The following ILRUN variants were observed in gnomAD, a reference collection of about 807,000 sequenced individuals.
ILRUN encodes protein ILRUN.
Under a neutral mutation model 33.8 loss-of-function variants are expected in ILRUN, and 3 were observed. The ratio of observed to expected loss-of-function variants is 0.09; its 90% CI spans 0.04 to 0.23. The LOEUF (loss-of-function observed/expected upper bound fraction) is 0.23. Among genes scored for constraint, ILRUN ranks in the 10% least tolerant of loss-of-function variants. ILRUN has a pLI of 1.00. For missense variants in ILRUN, 210 were observed against 375.1 expected (o/e 0.56, Z 3.64); for synonymous variants, 124 against 138.9 (o/e 0.89, Z 0.75).
At chr6:34,680,668 GTC>G (rs1375522632) in intron 1 of ILRUN, among the ~76,000 whole-genome samples, 19 of 152,098 alleles carry the variant, frequency 1.2e-4, no homozygotes, top group African/African-American at 4.6e-4. Flanking sequence ...GGCCAGGCTG[GTC>G]TCGAACTCCT....
At chr6:34,640,150 G>A (rs1037698467) in intron 3 of ILRUN, among the ~76,000 whole-genome samples, 3 of 152,122 alleles carry the variant, frequency 2.0e-5, no homozygotes, top group South Asian at 2.1e-4. Flanking sequence ...TTTGTGTGGT[G>A]GGGGACAGTG....
intron 3 of ILRUN, among the ~76,000 whole-genome samples, chr6:34,643,938 G>T (rs1328571687): frequency 6.6e-6 from 1 of 152,218 alleles, no homozygotes; most frequent in African/African-American, 2.4e-5. Flanking sequence ...CTGACCTCAA[G>T]TGATATGCCC....
rs199549315 is a variant in ILRUN, at chr6:34,654,783, T to C, written c.159-4A>G. ...GCCAATTGCTGCTTGTAGGTTCCTATAGAAAAAGAGAAAAGGCAACAGACT... is the reference window on the plus strand; with the variant it reads ...GCCAATTGCTGCTTGTAGGTTCCTACAGAAAAAGAGAAAAGGCAACAGACT... On this transcript the variant is annotated splice_polypyrimidine_tract_variant and splice_region_variant and intron_variant, in intron 1 of 4. Coordinates refer to ENST00000374023, the MANE Select transcript of ILRUN (RefSeq NM_024294.4). 156 of 1,608,682 alleles carry C rather than the reference T, an allele frequency of 9.7e-5. 2 individuals carry two copies. Among genetic ancestry groups the C allele is most frequent in the Admixed American group, 4.4e-4 (26 of 58,826 alleles).
Position 34,646,856 on chromosome 6 carries a change from G to C in ILRUN, c.314-58C>G, listed in dbSNP as rs932866445. The C allele has an allele frequency of 6.6e-7, 1 of 1,522,064 alleles. No individual in the cohort carries two copies. The highest frequency in any genetic ancestry group is 1.4e-5 in the African/African-American group (1 of 73,062). The allele number at this position is 1,522,064 out of a possible 1,614,324, so 94.3% of individuals were successfully genotyped here. ...AATCAATGGTCCTATGCTGGGTGCA[G>C]TTTATTATGAAACTGTAGAAGAGGC... On this transcript the variant is annotated intron_variant, in intron 2 of 4. Transcript: ENST00000374023. The surrounding 1 kb of genome is among the most constrained non-coding windows in gnomAD (Gnocchi z 4.9).
intron 4 of ILRUN, chr6:34,595,700 C>A: frequency 1.1e-6 from 1 of 940,250 alleles, no homozygotes; most frequent in Non-Finnish European, 1.3e-6. Context: ...TACCACAACA[C>A]AGGACTTTCA....
chr6:34,693,994 T>C (rs1196568444), intron 1 of ILRUN, among the ~76,000 whole-genome samples: 3 of 152,086 alleles, frequency 2.0e-5, no homozygotes, highest in Non-Finnish European at 4.4e-5. Context: ...CATTTCGCTG[T>C]ATTTTTTGTA....
chr6:34,669,718 AAACT>A (rs1763077287), intron 1 of ILRUN, among the ~76,000 whole-genome samples: 1 of 152,204 alleles, frequency 6.6e-6, no homozygotes, highest in African/African-American at 2.4e-5. Flanking sequence ...AGATGATACA[AAACT>A]AATTAACATA....
chr6:34,601,288 G>A (rs1761502245), intron 4 of ILRUN, among the ~76,000 whole-genome samples: 1 of 152,186 alleles, frequency 6.6e-6, no homozygotes, highest in South Asian at 2.1e-4. Flanking sequence ...TCTGATTAAT[G>A]TTCTTTCATT....
At chr6:34,593,507 T>G (rs934919562) in intron 4 of ILRUN, among the ~76,000 whole-genome samples, 1 of 152,240 alleles carries the variant, frequency 6.6e-6, no homozygotes, top group Non-Finnish European at 1.5e-5. Flanking sequence ...ATTTTCAGAT[T>G]TCCTTTGAGT....
chr6:34,648,291 G>A (rs185437744), intron 2 of ILRUN, among the ~76,000 whole-genome samples: 31 of 152,220 alleles, frequency 2.0e-4, no homozygotes, highest in Non-Finnish European at 1.9e-4. Context: ...TCTCCTACCA[G>A]TACTCTAAGA....
chr6:34,687,698 C>A (rs1207923521), intron 1 of ILRUN, among the ~76,000 whole-genome samples: 81 of 125,020 alleles, frequency 6.5e-4, no homozygotes, highest in African/African-American at 1.1e-3. Context: ...ACTCCATCTC[C>A]AAAAAAAAAA....
At chr6:34,696,423 C>T in intron 1 of ILRUN, 23 bp downstream of exon 1, 1 of 1,554,792 alleles carries the variant, frequency 6.4e-7, no homozygotes, top group Non-Finnish European at 8.7e-7. Flanking sequence ...GCTGCCAGCG[C>T]TGGCACTGCG....
intron 4 of ILRUN, among the ~76,000 whole-genome samples, chr6:34,602,457 A>C (rs538360940): frequency 7.2e-5 from 11 of 152,284 alleles, no homozygotes; most frequent in African/African-American, 2.6e-4. Flanking sequence ...GTTTTTCATC[A>C]GTTTCGCACT....
rs1287067471 is a variant in ILRUN at position 34,588,494 on chromosome 6, T to A, written c.*2071A>T. The A allele has an allele frequency of 3.0e-6, 1 of 337,928 alleles. No individual in the cohort carries two copies. The highest frequency in any genetic ancestry group is 2.1e-5 in the African/African-American group (1 of 47,440). 20.9% of individuals were successfully genotyped at this position (337,928 alleles called of 1,614,324 possible). A position where few individuals can be genotyped will look rare whatever the true frequency, so the allele number is the denominator to read the frequency against. On this transcript the variant is annotated 3_prime_UTR_variant, in exon 5 of 5. Coordinates refer to ENST00000374023, the MANE Select transcript of ILRUN (RefSeq NM_024294.4). ...AGCAGTAAGAACAGCTGGGCATGCA[T>A]GGGCTCCAGGGAGGCAGTGTCTCAG... is the stretch of plus-strand genomic sequence containing the variant.
At chr6:34,601,613 C>T (rs1761509278) in intron 4 of ILRUN, among the ~76,000 whole-genome samples, 1 of 152,106 alleles carries the variant, frequency 6.6e-6, no homozygotes, top group Non-Finnish European at 1.5e-5. Flanking sequence ...AACTTTTTGG[C>T]CATTTCAAAG....
chr6:34,646,962 G>A lies in ILRUN; in HGVS notation c.314-164C>T, dbSNP rs1762573824. Among the ~76,000 whole-genome samples, 1 of 152,048 alleles carries A rather than the reference G, an allele frequency of 6.6e-6. No individual in the cohort carries two copies. The highest frequency in any genetic ancestry group is 2.4e-5 in the African/African-American group (1 of 41,384). The stretch of plus-strand genomic sequence containing the variant: ...TATTGTCTCACACAACTGATCAAAA[G>A]GAATTATCAGAACCAACAACCTCTG... On this transcript the variant is annotated intron_variant, in intron 2 of 4. Coordinates refer to ENST00000374023, the MANE Select transcript of ILRUN (RefSeq NM_024294.4). This position sits in a 1 kb window ranked among gnomAD's most constrained non-coding sequence, Gnocchi z 4.9.
chr6:34,643,012 G>A (rs1013163090), intron 3 of ILRUN, among the ~76,000 whole-genome samples: 4 of 149,620 alleles, frequency 2.7e-5, no homozygotes, highest in Non-Finnish European at 4.5e-5. Flanking sequence ...GAAAGAGAGA[G>A]AGGCCAGGCG....
At chr6:34,608,456 T>C (rs1761678281) in intron 3 of ILRUN, among the ~76,000 whole-genome samples, 1 of 151,988 alleles carries the variant, frequency 6.6e-6, no homozygotes, top group Non-Finnish European at 1.5e-5. Context: ...AGATAAAAAA[T>C]GATGTACCTG....
At chr6:34,622,346 A>G (rs1264267322) in intron 3 of ILRUN, among the ~76,000 whole-genome samples, 5 of 152,200 alleles carry the variant, frequency 3.3e-5, no homozygotes, top group Admixed American at 3.3e-4. Flanking sequence ...TATCTCAAAT[A>G]TATAAAGAAC....
Sources: allele counts gnomAD v4.1 joint callset (sites outside exome capture counted in the v4.1 genomes callset), GRCh38; gene constraint gnomAD v4.1.1; non-coding constraint Gnocchi (gnomAD v3.1); transcripts MANE v1.5; gene names NCBI Gene and HGNC (gene_info 2026-07-23, HGNC 2026-07-21).